The following VIT variants were observed in gnomAD, a reference collection of about 807,000 sequenced individuals.
VIT encodes the protein vitrin.
Under a neutral mutation model 78.0 loss-of-function variants are expected in VIT, and 99 were observed. The ratio of observed to expected loss-of-function variants is 1.27; its 90% CI spans 1.08 to 1.50. The LOEUF (loss-of-function observed/expected upper bound fraction) is 1.50. VIT is among the 40% of genes most tolerant of loss of function. The pLI, the probability that VIT is intolerant of heterozygous loss-of-function variation, is 0.00. For synonymous variants in VIT, 374 were observed against 334.3 expected (o/e 1.12, Z -1.29); for missense variants, 1,126 against 875.3 (o/e 1.29, Z -3.61).
Position 36,814,503 on chromosome 2 carries a change from A to T in VIT, c.*142A>T, listed in dbSNP as rs1485564446. 4 of 1,090,024 alleles carry T rather than the reference A, an allele frequency of 3.7e-6. No homozygotes were observed. The highest frequency in any genetic ancestry group is 5.0e-6 in the Non-Finnish European group (4 of 792,508). 67.5% of individuals were successfully genotyped at this position (1,090,024 alleles called of 1,614,324 possible). A position where few individuals can be genotyped will look rare whatever the true frequency, so the allele number is the denominator to read the frequency against. On this transcript the variant is annotated 3_prime_UTR_variant, in exon 16 of 16. Transcript: ENST00000379242. ...AAATGTCTTGTTATTATTCTTTGCC[A>T]TCATGCTTTTTCATATTCCAAAACT...
At chr2:36,697,336 T>C (rs1329063948) in intron 1 of VIT, among the ~76,000 whole-genome samples, 2 of 152,224 alleles carry the variant, frequency 1.3e-5, no homozygotes, top group African/African-American at 4.8e-5. Context: ...GCTTGGAATA[T>C]GTGGAATGTA....
At chr2:36,759,176 T>C (rs1200328251) in intron 6 of VIT, 130 bp downstream of exon 6, 1 of 1,588,224 alleles carries the variant, frequency 6.3e-7, no homozygotes, top group African/African-American at 1.3e-5. Flanking sequence ...TTTTAACAGA[T>C]GCCAGGAACA....
Position 36,775,023 on chromosome 2 carries a change from C to T in VIT, c.758C>T (p.Ser253Leu), listed in dbSNP as rs756000757. Reference sequence around the variant, plus strand: ...TCAGGTATCCAAAGGCAAGATCCTTCAGGAGCTGCCTTCCAGAAACCTGTT... The same window carrying T: ...TCAGGTATCCAAAGGCAAGATCCTTTAGGAGCTGCCTTCCAGAAACCTGTT... The part of the protein sequence containing the change: ...ADPGIQRQDP[S>L]GAAFQKPVGA... The change falls in exon 9 of 16, where the codon TCA (serine) becomes TTA (leucine). Residue 253 changes from serine to leucine, a missense_variant. Transcript: ENST00000379242. 1.9e-5 allele frequency: 30 copies of T among 1,614,036 alleles called. No homozygotes were observed. In the African/African-American group the frequency reaches 3.9e-4, roughly 21 times the overall value.
intron 4 of VIT, among the ~76,000 whole-genome samples, chr2:36,749,954 A>G (rs900836520): frequency 6.6e-6 from 1 of 152,248 alleles, no homozygotes; most frequent in Non-Finnish European, 1.5e-5. Flanking sequence ...ATAAAGTTTA[A>G]GAATTACTAG....
chr2:36,749,562 T>C (rs1015577659), intron 4 of VIT, among the ~76,000 whole-genome samples: 1 of 152,218 alleles, frequency 6.6e-6, no homozygotes, highest in African/African-American at 2.4e-5. Flanking sequence ...CTCTGTGCAG[T>C]TTCTACTACT....
intron 7 of VIT, among the ~76,000 whole-genome samples, chr2:36,767,959 T>A (rs1037939739): frequency 1.3e-5 from 2 of 152,202 alleles, no homozygotes; most frequent in African/African-American, 4.8e-5. Context: ...GTCTTAGCAA[T>A]GTTTTCTGAA....
intron 15 of VIT, among the ~76,000 whole-genome samples, chr2:36,811,308 T>G (rs2148688566): frequency 6.6e-6 from 1 of 152,360 alleles, no homozygotes; most frequent in Middle Eastern, 3.4e-3. Context: ...TCCAAACATC[T>G]GTCCCCAGTT....
At position 36,787,249 on chromosome 2, in the gene VIT, G is replaced by A; in HGVS notation, c.1031G>A (p.Gly344Asp). The A allele has an allele frequency of 6.2e-7, 1 of 1,614,056 alleles. No individual in the cohort carries two copies. The highest frequency in any genetic ancestry group is 1.6e-4 in the Middle Eastern group (1 of 6,062). Reference protein sequence around the residue: ...VAQALDIGPAGPLMGVVQYGD... With the variant: ...VAQALDIGPADPLMGVVQYGD... ...CAAGCTCTTGACATTGGCCCTGCCG[G>A]TCCACTGATGGGTGTTGTCCAGTAT... The change falls in exon 12 of 16, where the codon GGT becomes GAT. Residue 344 changes from glycine to aspartate, a missense_variant. Gly to Asp is a moderately conservative substitution (Grantham distance 94, BLOSUM62 -1). Coordinates refer to ENST00000379242, the MANE Select transcript of VIT (RefSeq NM_053276.4).
intron 2 of VIT, among the ~76,000 whole-genome samples, chr2:36,727,122 G>T (rs141243800): frequency 1.3e-5 from 2 of 152,054 alleles, no homozygotes; most frequent in African/African-American, 4.8e-5. Flanking sequence ...ACAGAACCAG[G>T]GCTGCCAGGG....
intron 3 of VIT, among the ~76,000 whole-genome samples, chr2:36,737,690 T>C (rs1243285113): frequency 1.3e-5 from 2 of 152,250 alleles, no homozygotes; most frequent in Non-Finnish European, 2.9e-5. Context: ...GGGACTTAGT[T>C]ACTTAATGCA....
At chr2:36,752,733 C>T (rs146829723) in intron 4 of VIT, among the ~76,000 whole-genome samples, 1 of 152,306 alleles carries the variant, frequency 6.6e-6, no homozygotes, top group African/African-American at 2.4e-5. Flanking sequence ...TCACCCAATC[C>T]TGAAAGCATA....
chr2:36,717,167 G>T (rs1264723151), intron 2 of VIT, among the ~76,000 whole-genome samples: 1 of 132,190 alleles, frequency 7.6e-6, no homozygotes, highest in Non-Finnish European at 1.6e-5. Context: ...GAGCCACCAC[G>T]CCCGGCCAGA....
At chr2:36,798,362 C>T (rs1034040484) in intron 12 of VIT, among the ~76,000 whole-genome samples, 40 of 152,030 alleles carry the variant, frequency 2.6e-4, no homozygotes, top group African/African-American at 3.9e-4. Flanking sequence ...GGAATAAAAG[C>T]GAATGAATGT....
intron 3 of VIT, among the ~76,000 whole-genome samples, chr2:36,734,994 T>C (rs1667426230): frequency 6.6e-6 from 1 of 151,984 alleles, no homozygotes; most frequent in African/African-American, 2.4e-5. Flanking sequence ...TGAAACCCCG[T>C]CTCTACTAAA....
chr2:36,790,283 T>A (rs748340664), intron 12 of VIT, among the ~76,000 whole-genome samples: 9 of 152,088 alleles, frequency 5.9e-5, no homozygotes, highest in Non-Finnish European at 1.2e-4. Context: ...ACATTGGCCA[T>A]CCCCTTCCCC....
rs1005557424 is a variant in VIT at position 36,717,497 on chromosome 2, A to G, written c.52+1075A>G. Reference sequence around the variant, plus strand: ...GTGATCCTCCTGCCTCAGCCTCCCAAAGTGCTGGGATTACAGGCATGAGCC... The same window carrying G: ...GTGATCCTCCTGCCTCAGCCTCCCAGAGTGCTGGGATTACAGGCATGAGCC... On this transcript the variant is annotated intron_variant, in intron 2 of 15. Transcript: ENST00000379242. 5.9e-4 allele frequency among the ~76,000 whole-genome samples: 90 copies of G among 151,572 alleles called. 1 individual carries two copies. The highest frequency in any genetic ancestry group is 4.0e-4 in the Non-Finnish European group (27 of 67,888).
chr2:36,807,292 T>C (rs1228736420), intron 14 of VIT, among the ~76,000 whole-genome samples: 2 of 152,134 alleles, frequency 1.3e-5, no homozygotes, highest in Non-Finnish European at 2.9e-5. Flanking sequence ...CCTTCTGGGG[T>C]GCAGTCCCAA....
At chr2:36,723,275 G>C (rs1325309656) in intron 2 of VIT, among the ~76,000 whole-genome samples, 1 of 152,098 alleles carries the variant, frequency 6.6e-6, no homozygotes, top group African/African-American at 2.4e-5. Flanking sequence ...ATGCTCTAAT[G>C]AGCATTTTTT....
At chr2:36,701,076 CA>C (rs1665025183) in intron 1 of VIT, among the ~76,000 whole-genome samples, 1 of 146,260 alleles carries the variant, frequency 6.8e-6, no homozygotes. Flanking sequence ...TCCCTGAAAA[CA>C]TAATTATCAA....
Sources: gnomAD v4.1 joint callset for allele counts (sites outside exome capture counted in the v4.1 genomes callset) on GRCh38, gnomAD v4.1.1 for gene constraint, MANE v1.5 for transcripts, NCBI Gene and HGNC (gene_info 2026-07-23, HGNC 2026-07-21) for gene names.